Variants in PLEKHA6 observed in about 807,000 individuals in gnomAD.
PLEKHA6 encodes pleckstrin homology domain containing A6.
PLEKHA6 carries 60 observed loss-of-function variants against 116.7 expected under a neutral mutation model. The observed-to-expected ratio is 0.51, with a 90% CI of 0.42 to 0.64. PLEKHA6 has a LOEUF of 0.64. Among genes scored for constraint, PLEKHA6 ranks in the 30% least tolerant of loss-of-function variants. The pLI is 0.00. For missense variants in PLEKHA6, 1,338 were observed against 1,422.7 expected, an observed-to-expected ratio of 0.94 and a Z score of 0.96; for synonymous variants, 489 against 556.1, an observed-to-expected ratio of 0.88 and a Z score of 1.70.
chr1:204,373,461 C>T (rs570721571), intron 1 of PLEKHA6, among the ~76,000 whole-genome samples: 1 of 152,244 alleles, frequency 6.6e-6, no homozygotes, highest in South Asian at 2.1e-4. Flanking sequence ...CTCAAGTGAT[C>T]CTCCTGCCTT....
intron 1 of PLEKHA6, among the ~76,000 whole-genome samples, chr1:204,283,662 GGAGA>G (rs1668869916): frequency 6.6e-6 from 1 of 152,222 alleles, no homozygotes; most frequent in Non-Finnish European, 1.5e-5. Context: ...TAGGAAAGCA[GGAGA>G]GAGCTTCATG....
intron 1 of PLEKHA6, among the ~76,000 whole-genome samples, chr1:204,314,010 G>A (rs561698221): frequency 1.4e-4 from 22 of 152,220 alleles, no homozygotes; most frequent in Middle Eastern, 3.4e-3. Context: ...CAATGTGAAC[G>A]GTGCCCTCAG....
intron 3 of PLEKHA6, among the ~76,000 whole-genome samples, chr1:204,364,933 T>G (rs1673621735): frequency 6.6e-6 from 1 of 152,164 alleles, no homozygotes; most frequent in Non-Finnish European, 1.5e-5. Context: ...GACACAAGTA[T>G]AAGCAAATAA....
chr1:204,320,861 C>T (rs533899112), intron 1 of PLEKHA6, among the ~76,000 whole-genome samples: 1 of 152,296 alleles, frequency 6.6e-6, no homozygotes, highest in South Asian at 2.1e-4. Context: ...AATGCCATTA[C>T]ATTCTGCAAA....
At chr1:204,339,327 G>A (rs190758329) in intron 1 of PLEKHA6, among the ~76,000 whole-genome samples, 53 of 152,340 alleles carry the variant, frequency 3.5e-4, no homozygotes, top group African/African-American at 1.3e-3. Context: ...AGAACCCTGA[G>A]AGACAGGCAT....
At chr1:204,230,315 C>T in intron 18 of PLEKHA6, 98 bp downstream of exon 18, 1 of 983,322 alleles carries the variant, frequency 1.0e-6, no homozygotes, top group Non-Finnish European at 1.4e-6. Context: ...CCCTCTCCTT[C>T]CTCTCAAACC....
At chr1:204,349,999 T>C (rs574322235) in intron 1 of PLEKHA6, among the ~76,000 whole-genome samples, 2 of 152,324 alleles carry the variant, frequency 1.3e-5, no homozygotes, top group Non-Finnish European at 2.9e-5. Context: ...TTTCTACTGG[T>C]TGCAGTCAAA....
At chr1:204,264,909 C>T in intron 6 of PLEKHA6, 33 bp downstream of exon 6, 1 of 1,460,206 alleles carries the variant, frequency 6.8e-7, no homozygotes, top group Non-Finnish European at 9.6e-7. Flanking sequence ...GCCTTCCTTC[C>T]CCACCTGCCC....
intron 21 of PLEKHA6, among the ~76,000 whole-genome samples, chr1:204,225,141 T>C (rs1225306509): frequency 1.3e-5 from 2 of 152,154 alleles, no homozygotes; most frequent in African/African-American, 4.8e-5. Context: ...AAAAAATATT[T>C]TGTAAAAAGC....
intron 1 of PLEKHA6, among the ~76,000 whole-genome samples, chr1:204,319,880 G>A (rs1013474407): frequency 1.3e-5 from 2 of 152,146 alleles, no homozygotes; most frequent in East Asian, 3.9e-4. Context: ...AGGGAGGGAG[G>A]AAGAGTGGGT....
chr1:204,346,329 G>C (rs532752810), intron 1 of PLEKHA6, among the ~76,000 whole-genome samples: 198 of 152,098 alleles, frequency 1.3e-3, no homozygotes, highest in Non-Finnish European at 2.4e-3. Context: ...GGGAACATGA[G>C]AGCAGCAAAC....
intron 1 of PLEKHA6, chr1:204,325,784 G>T: frequency 2.5e-6 from 1 of 405,446 alleles, no homozygotes; most frequent in Non-Finnish European, 3.3e-6. Context: ...AGGCCTTGGC[G>T]CAAGACTCTA....
Position 204,244,924 on chromosome 1 carries a change from C to A in PLEKHA6, c.2112G>T (p.Leu704=). 1 of 1,528,902 alleles carries A rather than the reference C, an allele frequency of 6.5e-7. No homozygotes were observed. The highest frequency in any genetic ancestry group is 1.2e-5 in the South Asian group (1 of 81,408). The allele number at this position is 1,528,902 out of a possible 1,614,324, so 94.7% of individuals were successfully genotyped here. Residue 704 remains leucine (L), a synonymous_variant, in exon 15 of 23, where the codon CTG becomes CTT. Coordinates refer to ENST00000272203, the MANE Select transcript of PLEKHA6 (RefSeq NM_014935.5). ...AGCCCGACACCAGTGAAAAGGGGCT[C>A]AGGGGGCTGGTGAGGCTGGCAGAGC... ...PLSSASLTSP[L]SPFSLVSGSQ... is the part of the protein sequence containing the mutation.
chr1:204,298,437 C>T lies in PLEKHA6; in HGVS notation c.-94-23628G>A, dbSNP rs79439852. On this transcript the variant is annotated intron_variant, in intron 1 of 22. Coordinates refer to ENST00000272203, the MANE Select transcript of PLEKHA6 (RefSeq NM_014935.5). The stretch of plus-strand genomic sequence containing the variant: ...GGTAGAGTGGTACCTGAGGAGGGGT[C>T]GGGGACTGAATGGCCTTCAAGGTCC... Among the ~76,000 whole-genome samples, 1,242 of 152,210 alleles carry T rather than the reference C, an allele frequency of 8.2e-3. 17 individuals carry two copies. Among genetic ancestry groups the T allele is most frequent in the African/African-American group, 0.028 (1,154 of 41,522 alleles).
At chr1:204,298,782 TG>T (rs1394123652) in intron 1 of PLEKHA6, among the ~76,000 whole-genome samples, 57 of 152,248 alleles carry the variant, frequency 3.7e-4, no homozygotes, top group African/African-American at 1.3e-3. Flanking sequence ...GGTAGCCACC[TG>T]ATCTCAGCTC....
intron 1 of PLEKHA6, among the ~76,000 whole-genome samples, chr1:204,278,317 T>C (rs760546416): frequency 2.6e-5 from 4 of 152,266 alleles, no homozygotes; most frequent in Non-Finnish European, 5.9e-5. Flanking sequence ...TATCTTATCC[T>C]GCCAAGATGT....
Position 204,259,179 on chromosome 1 carries a change from C to A in PLEKHA6, c.1007+79G>T. 3.4e-6 allele frequency: 5 copies of A among 1,472,902 alleles called. No homozygotes were observed. The highest frequency in any genetic ancestry group is 3.7e-6 in the Non-Finnish European group (4 of 1,090,788). The allele number at this position is 1,472,902 out of a possible 1,614,324, so 91.2% of individuals were successfully genotyped here. A position where few individuals can be genotyped will look rare whatever the true frequency, so the allele number is the denominator to read the frequency against. ...TCCAGAAGGTTTCCAACAGGGGATG[C>A]CTCGTGGGCTATGACCCCACTCGCA... is the stretch of plus-strand genomic sequence containing the variant. On this transcript the variant is annotated intron_variant, in intron 8 of 22. Coordinates refer to ENST00000272203, the MANE Select transcript of PLEKHA6 (RefSeq NM_014935.5). This position sits in a 1 kb window ranked among gnomAD's most constrained non-coding sequence, Gnocchi z 4.6.
At chr1:204,349,314 G>T (rs1164281909) in intron 1 of PLEKHA6, among the ~76,000 whole-genome samples, 1 of 152,116 alleles carries the variant, frequency 6.6e-6, no homozygotes, top group East Asian at 1.9e-4. Context: ...CGAGGCGGGC[G>T]GATCACTTGA....
intron 1 of PLEKHA6, among the ~76,000 whole-genome samples, chr1:204,375,710 C>T (rs1001861506): frequency 1.2e-4 from 18 of 151,962 alleles, no homozygotes; most frequent in African/African-American, 4.1e-4. Flanking sequence ...CTTTGGCTTC[C>T]CATCACCTAT....
Sources: gnomAD v4.1 joint callset for allele counts (sites outside exome capture counted in the v4.1 genomes callset) on GRCh38, gnomAD v4.1.1 for gene constraint, Gnocchi (gnomAD v3.1) non-coding constraint, MANE v1.5 for transcripts, NCBI Gene and HGNC (gene_info 2026-07-23, HGNC 2026-07-21) for gene names.